ZNF219: variants seen among roughly 807,000 people sequenced by gnomAD.
ZNF219 encodes the protein zinc finger protein 219.
A neutral mutation model predicts 54.4 loss-of-function variants in ZNF219; 17 were observed. That is an observed-to-expected ratio of 0.31 (90% CI 0.21 to 0.47). The LOEUF is 0.47. Ranked by LOEUF, ZNF219 falls within the 20% of genes least tolerant of loss-of-function variation. ZNF219 has a pLI of 1.00. For synonymous variants in ZNF219, 518 were observed against 476.4 expected, an observed-to-expected ratio of 1.09 and a Z score of -1.14; for missense variants, 1,014 against 1,062.3, an observed-to-expected ratio of 0.95 and a Z score of 0.63.
At chr14:21,102,228 T>A, upstream of ZNF219, 2 of 1,427,974 alleles carry the variant, frequency 1.4e-6, no homozygotes, top group Non-Finnish European at 1.9e-6. Flanking sequence ...CTCTCAGCTG[T>A]CACCACTGAC....
chr14:21,091,155 T>C lies in ZNF219; in HGVS notation c.1565-15A>G. 6.3e-7 allele frequency: 1 copy of C among 1,593,338 alleles called. No individual in the cohort carries two copies. The highest frequency in any genetic ancestry group is 8.5e-7 in the Non-Finnish European group (1 of 1,175,146). On this transcript the variant is annotated splice_polypyrimidine_tract_variant and intron_variant, in intron 4 of 4. Coordinates refer to ENST00000360947, the MANE Select transcript of ZNF219 (RefSeq NM_016423.3). ...GGGCCGCTCGCCTGGGGAGAGTGGGTGCGATAGGGTCACGGGGTCACGATG... is the reference window on the plus strand; with the variant it reads ...GGGCCGCTCGCCTGGGGAGAGTGGGCGCGATAGGGTCACGGGGTCACGATG...
upstream of ZNF219, chr14:21,102,956 G>A (rs1167465805): frequency 3.1e-5 from 42 of 1,358,990 alleles, no homozygotes; most frequent in Non-Finnish European, 4.1e-5. Context: ...TGGTGGGTAA[G>A]AGGAAACTGG....
rs1394235681 is a variant in ZNF219 at position 21,093,680 on chromosome 14, G to A, written c.-83-6C>T. The A allele has an allele frequency of 1.2e-6, 2 of 1,613,480 alleles. No individual in the cohort carries two copies. Among genetic ancestry groups the A allele is most frequent in the Non-Finnish European group, 1.7e-6 (2 of 1,179,700 alleles). ...AGGCAACAGGTGCTGTGGAGCTAAA[G>A]CAAGAGACAGATTTGGAGGAAAAGA... On this transcript the variant is annotated splice_polypyrimidine_tract_variant and splice_region_variant and intron_variant, in intron 1 of 4. Transcript: ENST00000360947.
Position 21,093,117 on chromosome 14 carries a change from A to C in ZNF219, c.180T>G (p.Pro60=), listed in dbSNP as rs1208237587. ...TGAAGCGGAAGCGCTTCCCGCATAC[A>C]GGGCAGGGGAAGCGCCGTTCGCCTG... The part of the protein sequence containing the change: ...SRAGERRFPC[P]VCGKRFRFNS... Residue 60 remains proline, a synonymous_variant, in exon 3 of 5, where the codon CCT becomes CCG. Coordinates refer to ENST00000360947, the MANE Select transcript of ZNF219 (RefSeq NM_016423.3). The C allele has an allele frequency of 1.9e-6, 3 of 1,609,416 alleles. No homozygotes were observed. The East Asian group carries it at 6.7e-5, about 36-fold the overall frequency.
Position 21,091,856 on chromosome 14 carries a change from C to G in ZNF219, c.1432+9G>C, listed in dbSNP as rs761933130. On this transcript the variant is annotated intron_variant, in intron 3 of 4. Coordinates refer to ENST00000360947, the MANE Select transcript of ZNF219 (RefSeq NM_016423.3). ...CGGCGTACCCGGAGAGCGGAGGGTA[C>G]CTACATACCCTGCGTGGCGGTCGAT... The G allele has an allele frequency of 6.6e-7, 1 of 1,519,210 alleles. No homozygotes were observed. The allele number at this position is 1,519,210 out of a possible 1,614,324, so 94.1% of individuals were successfully genotyped here.
At chr14:21,093,361 A>G in intron 2 of ZNF219, 71 bp from the exon 3 acceptor site, 1 of 1,506,574 alleles carries the variant, frequency 6.6e-7, no homozygotes. Context: ...CGTCGCCTCG[A>G]GGGCCAGAAG....
rs1306256937 is a variant in ZNF219 at position 21,098,335 on chromosome 14, AGCGGGCGGCGGCGGCGGCGGCGGCG to A, written c.-132_-108del. ...ACGAGCCCCGGGCGGGCGGCGGCGG[AGCGGGCGGCGGCGGCGGCGGCGGCG>A]GCGGGCGGCGGGCCGGCGGCGCGGG... On this transcript the variant is annotated 5_prime_UTR_variant, in exon 1 of 5. An upstream open reading frame in the 5' UTR loses its in-frame stop. Transcript: ENST00000360947. 20 of 222,818 alleles carry A rather than the reference AGCGGGCGGCGGCGGCGGCGGCGGCG, an allele frequency of 9.0e-5. No homozygotes were observed. The highest frequency in any genetic ancestry group is 1.4e-4 in the Admixed American group (2 of 14,174). The allele number at this position is 222,818 out of a possible 1,614,324, so 13.8% of individuals were successfully genotyped here. A position where few individuals can be genotyped will look rare whatever the true frequency, so the allele number is the denominator to read the frequency against.
In ZNF219 at chr14:21,092,590, G is replaced by C. The variant is rs1455561439; in HGVS notation, c.707C>G (p.Pro236Arg). The change falls in exon 3 of 5, where the codon CCC becomes CGC. Residue 236 changes from proline to arginine, a missense_variant. By Grantham distance (103) the Pro-to-Arg change is moderately radical (BLOSUM62 -2). Transcript: ENST00000360947. ...PPPQPQPQPP[P>R]QPEPRSVPQP... ...GGGGACTGATCTGGGTTCGGGCTGG[G>C]GTGGAGGCTGAGGCTGAGGCTGAGG... 1 of 1,541,226 alleles carries C rather than the reference G, an allele frequency of 6.5e-7. No homozygotes were observed. The highest frequency in any genetic ancestry group is 8.7e-7 in the Non-Finnish European group (1 of 1,145,598).
In ZNF219 at chr14:21,090,288, T is replaced by C. The variant is rs1888720399; in HGVS notation, c.*248A>G. On this transcript the variant is annotated 3_prime_UTR_variant, in exon 5 of 5. Transcript: ENST00000360947. This position sits in a 1 kb window ranked among gnomAD's most constrained non-coding sequence, Gnocchi z 4.4. ...CTCCTCAACAGGGACACAAACCTTC[T>C]CTGCCAGCCCAGGGACCCCGTTCTT... is the stretch of plus-strand genomic sequence containing the variant. 2 of 696,636 alleles carry C rather than the reference T, an allele frequency of 2.9e-6. No individual in the cohort carries two copies. 43.2% of individuals were successfully genotyped at this position (696,636 alleles called of 1,614,324 possible). A position where few individuals can be genotyped will look rare whatever the true frequency, so the allele number is the denominator to read the frequency against.
chr14:21,104,316 G>A (rs929751171), intron 1 of ZNF219: 1 of 152,310 alleles, frequency 6.6e-6, no homozygotes, highest in African/African-American at 2.4e-5. Context: ...TCTCGGCTGC[G>A]GTCGGGTTGC....
At chr14:21,099,477 T>G (rs952307450), upstream of ZNF219, among the ~76,000 whole-genome samples, 2 of 151,928 alleles carry the variant, frequency 1.3e-5, no homozygotes, top group Non-Finnish European at 2.9e-5. Flanking sequence ...AAAACGTGAC[T>G]CCCACTCCCC....
At chr14:21,102,952 G>T, upstream of ZNF219, 3 of 1,354,334 alleles carry the variant, frequency 2.2e-6, no homozygotes, top group Non-Finnish European at 3.0e-6. Context: ...CTAATGGTGG[G>T]TAAGAGGAAA....
In ZNF219 at chr14:21,091,042, C is replaced by A. The variant is rs564789236; in HGVS notation, c.1663G>T (p.Gly555Trp). ...LQRHHREQRS[G>W]AGPGPPPEPP... ...TCCGGGGGTGGCCCGGGGCCGGCCCCGCTCCTCTGCTCCCGGTGGTGGCGC... is the reference window on the plus strand; with the variant it reads ...TCCGGGGGTGGCCCGGGGCCGGCCCAGCTCCTCTGCTCCCGGTGGTGGCGC... Residue 555 changes from glycine to tryptophan, a missense_variant, in exon 5 of 5, where the codon GGG (glycine) becomes TGG (tryptophan). Gly to Trp is a radical substitution (Grantham distance 184, BLOSUM62 -2). Around this residue, in one of 5 missense-constraint regions of ZNF219, gnomAD observed 281 missense variants for 271.2 expected, o/e 1.04. Transcript: ENST00000360947. The A allele has an allele frequency of 1.3e-6, 2 of 1,556,574 alleles. No homozygotes were observed. The highest frequency in any genetic ancestry group is 1.7e-6 in the Non-Finnish European group (2 of 1,157,218).
chr14:21,090,566 T>C lies in ZNF219; in HGVS notation c.2139A>G (p.Gly713=). The C allele has an allele frequency of 6.2e-7, 1 of 1,603,910 alleles. No homozygotes were observed. The highest frequency in any genetic ancestry group is 8.5e-7 in the Non-Finnish European group (1 of 1,173,572). The part of the protein sequence containing the change: ...GEEGSGLSRP[G]EAGLGGQER The stretch of plus-strand genomic sequence containing the variant: ...GTTCTTGCCCCCCCAGCCCTGCCTC[T>C]CCGGGTCTGGACAGCCCGGAGCCCT... Residue 713 remains glycine, a synonymous_variant, in exon 5 of 5, where the codon GGA becomes GGG. Coordinates refer to ENST00000360947, the MANE Select transcript of ZNF219 (RefSeq NM_016423.3). The surrounding 1 kb of genome is among the most constrained non-coding windows in gnomAD (Gnocchi z 4.4).
chr14:21,090,673 G>GCCGGCGGCCCCTAGC lies in ZNF219; in HGVS notation c.2017_2031dup (p.Ala673_Arg677dup). The GCCGGCGGCCCCTAGC allele has an allele frequency of 1.2e-6, 2 of 1,612,128 alleles. No individual in the cohort carries two copies. Among genetic ancestry groups the GCCGGCGGCCCCTAGC allele is most frequent in the Non-Finnish European group, 1.7e-6 (2 of 1,179,734 alleles). ...GGCGGGGACGCGTCAGCCTGGGGTG[G>GCCGGCGGCCCCTAGC]CCGGCGGCCCCTAGCCCGGCGGCTG... On this transcript the variant is annotated inframe_insertion, in exon 5 of 5. Coordinates refer to ENST00000360947, the MANE Select transcript of ZNF219 (RefSeq NM_016423.3). The surrounding 1 kb of genome is among the most constrained non-coding windows in gnomAD (Gnocchi z 4.4).
chr14:21,095,282 T>G (rs1286840906), intron 1 of ZNF219, among the ~76,000 whole-genome samples: 2 of 152,352 alleles, frequency 1.3e-5, no homozygotes, highest in African/African-American at 4.8e-5. Flanking sequence ...TGTGTATTTC[T>G]GTAGCTTCAA....
upstream of ZNF219, among the ~76,000 whole-genome samples, chr14:21,100,532 GAGAT>G (rs3062000): frequency 1.8e-4 from 27 of 150,224 alleles, no homozygotes; most frequent in Admixed American, 3.3e-4. Flanking sequence ...TGAGGACCAT[GAGAT>G]AGATAGATAG....
chr14:21,090,590 C>G lies in ZNF219; in HGVS notation c.2115G>C (p.Glu705Asp), dbSNP rs766465780. 1.9e-6 allele frequency: 3 copies of G among 1,610,152 alleles called. No homozygotes were observed. In the Admixed American group the frequency reaches 5.0e-5, roughly 27 times the overall value. Residue 705 changes from glutamate to aspartate, a missense_variant, in exon 5 of 5, where the codon GAG (glutamate) becomes GAC (aspartate). By Grantham distance (45) the Glu-to-Asp change is conservative. Coordinates refer to ENST00000360947, the MANE Select transcript of ZNF219 (RefSeq NM_016423.3). This position sits in a 1 kb window ranked among gnomAD's most constrained non-coding sequence, Gnocchi z 4.4. Reference sequence around the variant, plus strand: ...CTCCGGGTCTGGACAGCCCGGAGCCCTCCTCCCCTTCCTGCGAAGGACTGG... The same window carrying G: ...CTCCGGGTCTGGACAGCCCGGAGCCGTCCTCCCCTTCCTGCGAAGGACTGG... ...TPPSPSQEGE[E>D]GSGLSRPGEA...
In ZNF219 at chr14:21,092,981, T is replaced by C. The variant is rs756155820; in HGVS notation, c.316A>G (p.Thr106Ala). ...QRALLRSHLR[T>A]HQPERPRSPA... ...CTACGTGGGCGCTCGGGCTGGTGTGTGCGCAGGTGCGAGCGCAGCAGAGCC... is the reference window on the plus strand; with the variant it reads ...CTACGTGGGCGCTCGGGCTGGTGTGCGCGCAGGTGCGAGCGCAGCAGAGCC... Residue 106 changes from threonine (T) to alanine (A), a missense_variant, in exon 3 of 5, where the codon ACA becomes GCA. Around this residue, in one of 5 missense-constraint regions of ZNF219, gnomAD observed 395 missense variants for 415.1 expected, o/e 0.95. Transcript: ENST00000360947. 1 of 1,596,490 alleles carries C rather than the reference T, an allele frequency of 6.3e-7. No homozygotes were observed. The highest frequency in any genetic ancestry group is 8.5e-7 in the Non-Finnish European group (1 of 1,174,194).
Sources: allele counts gnomAD v4.1 joint callset (sites outside exome capture counted in the v4.1 genomes callset), GRCh38; gene constraint gnomAD v4.1.1; regional missense constraint gnomAD v4.1.1; non-coding constraint Gnocchi (gnomAD v3.1); transcripts MANE v1.5; gene names NCBI Gene and HGNC (gene_info 2026-07-23, HGNC 2026-07-21).